Variants in AK5 observed in about 807,000 individuals in gnomAD.
The protein encoded by AK5 is adenylate kinase 5, also known as adenylate kinase isoenzyme 5.
Under a neutral mutation model 69.5 loss-of-function variants are expected in AK5, and 27 were observed. That is an observed-to-expected ratio of 0.39 (90% CI 0.29 to 0.54). The LOEUF (loss-of-function observed/expected upper bound fraction) is 0.54, where lower values mean the gene tolerates loss of function less well. Among genes scored for constraint, AK5 ranks in the 20% least tolerant of loss-of-function variants. The probability of loss-of-function intolerance (pLI) is 0.71; values close to 1 mark genes in which losing one functional copy is unlikely to be tolerated. For missense variants in AK5, 531 were observed against 700.4 expected (o/e 0.76, Z 2.73); for synonymous variants, 260 against 244.4 (o/e 1.06, Z -0.60).
At chr1:77,397,897 C>T (rs951591495) in intron 6 of AK5, among the ~76,000 whole-genome samples, 1 of 152,158 alleles carries the variant, frequency 6.6e-6, no homozygotes, top group Non-Finnish European at 1.5e-5. Context: ...ACAAGACGGT[C>T]TCTAAATAAA....
chr1:77,380,194 G>T (rs908075470), intron 6 of AK5, among the ~76,000 whole-genome samples: 1 of 152,188 alleles, frequency 6.6e-6, no homozygotes, highest in Admixed American at 6.5e-5. Context: ...CATCATGCCA[G>T]CCCTGGAGGT....
intron 6 of AK5, among the ~76,000 whole-genome samples, chr1:77,372,258 A>G (rs1258347698): frequency 6.6e-6 from 1 of 152,224 alleles, no homozygotes. Flanking sequence ...AAAATTGCAC[A>G]ACAAATAGAA....
chr1:77,381,991 T>C (rs1249345707), intron 6 of AK5, among the ~76,000 whole-genome samples: 1 of 152,112 alleles, frequency 6.6e-6, no homozygotes, highest in Admixed American at 6.5e-5. Context: ...CCACCCACCC[T>C]CTGCACAGGG....
intron 13 of AK5, among the ~76,000 whole-genome samples, chr1:77,556,791 T>C (rs1433544334): frequency 1.3e-5 from 2 of 152,116 alleles, no homozygotes; most frequent in South Asian, 4.2e-4. Context: ...ACTTTGTGTT[T>C]CTCAAAGTGT....
In AK5 at chr1:77,299,639, A is replaced by G. The variant is rs537675049; in HGVS notation, c.699+1692A>G. On this transcript the variant is annotated intron_variant, in intron 5 of 13. Transcript: ENST00000354567. ...TTTGAAGAGAGAAAAACTGGAAAATATCTGATGAAGTTTTGTTATTGCTGT... is the reference window on the plus strand; with the variant it reads ...TTTGAAGAGAGAAAAACTGGAAAATGTCTGATGAAGTTTTGTTATTGCTGT... Among the ~76,000 whole-genome samples the G allele has an allele frequency of 4.6e-5, 7 of 152,248 alleles. No homozygotes were observed. The South Asian group carries it at 8.3e-4, about 18-fold the overall frequency.
rs748505418 is a variant in AK5, at chr1:77,483,375, T to C, written c.1102+16T>C. 2 of 1,604,736 alleles carry C rather than the reference T, an allele frequency of 1.2e-6. No individual in the cohort carries two copies. Among genetic ancestry groups the C allele is most frequent in the South Asian group, 1.1e-5 (1 of 90,892 alleles). On this transcript the variant is annotated intron_variant, in intron 9 of 13. Transcript: ENST00000354567. Reference sequence around the variant, plus strand: ...ACTATGGGAGGTGAGTTTTCCTTACTGATCAGATCAAAGTTGTCATTTTAG... The same window carrying C: ...ACTATGGGAGGTGAGTTTTCCTTACCGATCAGATCAAAGTTGTCATTTTAG...
At chr1:77,361,010 G>A (rs1410918282) in intron 6 of AK5, among the ~76,000 whole-genome samples, 1 of 152,080 alleles carries the variant, frequency 6.6e-6, no homozygotes, top group Non-Finnish European at 1.5e-5. Context: ...AAAGACCAAT[G>A]CAAGCCCACA....
chr1:77,295,194 C>G (rs1658921693), intron 3 of AK5, among the ~76,000 whole-genome samples: 1 of 152,132 alleles, frequency 6.6e-6, no homozygotes, highest in African/African-American at 2.4e-5. Context: ...CAAAGCTGTT[C>G]TAGCCAGTTG....
At chr1:77,503,610 T>A (rs1177168727) in intron 10 of AK5, among the ~76,000 whole-genome samples, 6 of 152,056 alleles carry the variant, frequency 3.9e-5, no homozygotes, top group Admixed American at 2.6e-4. Context: ...TTATTAAAAA[T>A]TGGGGTGGAG....
At chr1:77,374,388 T>C (rs1212120293) in intron 6 of AK5, among the ~76,000 whole-genome samples, 1 of 151,766 alleles carries the variant, frequency 6.6e-6, no homozygotes, top group African/African-American at 2.4e-5. Context: ...TGCATTTCAG[T>C]TCAGTCCTTT....
chr1:77,545,236 G>T (rs1012647347), intron 13 of AK5, among the ~76,000 whole-genome samples: 1 of 151,740 alleles, frequency 6.6e-6, no homozygotes, highest in Non-Finnish European at 1.5e-5. Flanking sequence ...TCCTCCTTCT[G>T]TTCTCTTTCT....
At chr1:77,296,974 T>A (rs1386947647) in intron 3 of AK5, among the ~76,000 whole-genome samples, 1 of 152,202 alleles carries the variant, frequency 6.6e-6, no homozygotes, top group Admixed American at 6.5e-5. Flanking sequence ...TTCTAAGTTC[T>A]CTATTCTGTT....
chr1:77,413,069 A>G (rs965433693), intron 7 of AK5, among the ~76,000 whole-genome samples: 6 of 151,884 alleles, frequency 4.0e-5, no homozygotes, highest in South Asian at 2.1e-4. Flanking sequence ...AAAACCTTCA[A>G]TGACTCCTGC....
At chr1:77,506,687 T>C (rs1657051476) in intron 10 of AK5, among the ~76,000 whole-genome samples, 2 of 152,092 alleles carry the variant, frequency 1.3e-5, no homozygotes, top group African/African-American at 4.8e-5. Flanking sequence ...TGAAATCACA[T>C]CCCTAAAGTC....
chr1:77,490,721 T>C (rs1334522841), intron 10 of AK5, among the ~76,000 whole-genome samples: 1 of 151,868 alleles, frequency 6.6e-6, no homozygotes, highest in African/African-American at 2.4e-5. Flanking sequence ...CCTCATTATG[T>C]CCCACTAACA....
intron 8 of AK5, among the ~76,000 whole-genome samples, chr1:77,422,676 AG>A (rs1332197640): frequency 6.6e-6 from 1 of 152,114 alleles, no homozygotes; most frequent in African/African-American, 2.4e-5. Context: ...TCACCTTCTC[AG>A]GGGGCCCGTG....
At chr1:77,524,947 GC>G (rs796166258) in intron 12 of AK5, among the ~76,000 whole-genome samples, 3 of 152,202 alleles carry the variant, frequency 2.0e-5, no homozygotes, top group African/African-American at 7.2e-5. Context: ...TCAGTCTGTC[GC>G]CCAGGCTGGA....
Position 77,518,708 on chromosome 1 carries a change from G to A in AK5, c.1292G>A (p.Arg431His), listed in dbSNP as rs760396263. 30 of 1,614,046 alleles carry A rather than the reference G, an allele frequency of 1.9e-5. No homozygotes were observed. Among genetic ancestry groups the A allele is most frequent in the African/African-American group, 2.7e-5 (2 of 74,934 alleles). The change falls in exon 11 of 14, where the codon CGT becomes CAT. Residue 431 changes from arginine to histidine, a missense_variant. Arg to His is a conservative substitution (Grantham distance 29). Coordinates refer to ENST00000354567, the MANE Select transcript of AK5 (RefSeq NM_174858.3). ...RSKLIRDIME[R>H]GDLVPSGIVL... is the part of the protein sequence containing the mutation. ...AAATTGATCAGAGACATTATGGAACGTGGAGACCTGGTGCCCTCAGTAAGC... is the reference window on the plus strand; with the variant it reads ...AAATTGATCAGAGACATTATGGAACATGGAGACCTGGTGCCCTCAGTAAGC...
At chr1:77,367,579 A>AT (rs71075732) in intron 6 of AK5, among the ~76,000 whole-genome samples, 613 of 53,262 alleles carry the variant, frequency 0.012, 54 homozygotes, top group African/African-American at 0.038. Context: ...ATATATATAT[A>AT]ATATATATGT....
Sources: allele counts gnomAD v4.1 joint callset (sites outside exome capture counted in the v4.1 genomes callset), GRCh38; gene constraint gnomAD v4.1.1; transcripts MANE v1.5; gene names NCBI Gene and HGNC (gene_info 2026-07-23, HGNC 2026-07-21).